Variants in RANBP2 observed in about 807,000 individuals in gnomAD.
The protein encoded by RANBP2 is RAN binding protein 2.
In RANBP2, 57 loss-of-function variants were observed where a neutral mutation model predicts 303.6. The observed-to-expected ratio is 0.19, with a 90% CI of 0.15 to 0.23. The LOEUF (loss-of-function observed/expected upper bound fraction) is 0.23, where lower values mean the gene tolerates loss of function less well. RANBP2 is among the 10% of genes least tolerant of loss of function. The probability of loss-of-function intolerance (pLI) is 1.00; values close to 1 mark genes in which losing one functional copy is unlikely to be tolerated. For missense variants in RANBP2, 3,138 were observed against 3,780.8 expected (o/e 0.83, Z 4.46); for synonymous variants, 1,167 against 1,301.5 (o/e 0.90, Z 2.23).
chr2:109,421,903 A>G, the RANBP2 span, among the ~76,000 whole-genome samples: 3 of 152,210 alleles, frequency 2.0e-5, no homozygotes, highest in African/African-American at 7.2e-5. Context: ...GCAACATTAC[A>G]TACGTTACAG....
chr2:109,204,991 T>A, the RANBP2 span, among the ~76,000 whole-genome samples: 1 of 152,148 alleles, frequency 6.6e-6, no homozygotes, highest in Non-Finnish European at 1.5e-5. Flanking sequence ...GAGGATCACT[T>A]GAAGCCAGGA....
intron 1 of RANBP2, among the ~76,000 whole-genome samples, chr2:108,725,226 C>T: frequency 6.6e-6 from 1 of 152,158 alleles, no homozygotes; most frequent in Non-Finnish European, 1.5e-5. Context: ...GTTTACATAA[C>T]ATGGGCTGTG....
chr2:109,508,930 T>C, the RANBP2 span, among the ~76,000 whole-genome samples: 1 of 152,176 alleles, frequency 6.6e-6, no homozygotes, highest in South Asian at 2.1e-4. Flanking sequence ...GACGGGGGGA[T>C]GCAGTCCACT....
At chr2:109,216,840 G>A in the RANBP2 span, among the ~76,000 whole-genome samples, 2 of 152,122 alleles carry the variant, frequency 1.3e-5, no homozygotes, top group African/African-American at 4.8e-5. Flanking sequence ...CAGTTCAGTG[G>A]CATTAAGCAC....
chr2:109,120,225 G>A, the RANBP2 span, among the ~76,000 whole-genome samples: 1 of 152,350 alleles, frequency 6.6e-6, no homozygotes, highest in African/African-American at 2.4e-5. Context: ...AGAGGAGGGG[G>A]AGGGCCTCCC....
chr2:109,189,350 C>T, the RANBP2 span, among the ~76,000 whole-genome samples: 8 of 146,338 alleles, frequency 5.5e-5, no homozygotes, highest in African/African-American at 1.5e-4. Context: ...GAGGAACTTA[C>T]GTGTTCAGTC....
chr2:109,044,982 C>A, the RANBP2 span, among the ~76,000 whole-genome samples: 3 of 152,148 alleles, frequency 2.0e-5, no homozygotes, highest in African/African-American at 4.8e-5. Flanking sequence ...CCTGAGAAAA[C>A]CATGGGAATA....
the RANBP2 span, among the ~76,000 whole-genome samples, chr2:108,850,700 C>T: frequency 6.6e-6 from 1 of 152,186 alleles, no homozygotes; most frequent in African/African-American, 2.4e-5. Flanking sequence ...ATCTGCCCGC[C>T]TCAACCTCCC....
chr2:109,574,565 C>A, the RANBP2 span: 3 of 1,458,490 alleles, frequency 2.1e-6, no homozygotes, highest in African/African-American at 4.3e-5. Context: ...TAAGTTGATT[C>A]CTTTCCTCAA....
chr2:109,521,929 C>T, the RANBP2 span, among the ~76,000 whole-genome samples: 307 of 152,282 alleles, frequency 2.0e-3, no homozygotes, highest in Non-Finnish European at 3.5e-3. Flanking sequence ...AGGGAGGGGT[C>T]GCAGCTGCCG....
the RANBP2 span, among the ~76,000 whole-genome samples, chr2:109,448,568 A>T: frequency 3.3e-5 from 5 of 152,154 alleles, no homozygotes; most frequent in African/African-American, 1.2e-4. Flanking sequence ...CACGCTCCTT[A>T]TGAGAATCTA....
the RANBP2 span, among the ~76,000 whole-genome samples, chr2:109,392,079 G>A: frequency 4.6e-5 from 7 of 152,090 alleles, no homozygotes; most frequent in African/African-American, 1.2e-4. Flanking sequence ...GCCTCCCAAA[G>A]TGTTGAGTTT....
At chr2:109,104,933 A>G in the RANBP2 span, among the ~76,000 whole-genome samples, 4 of 152,218 alleles carry the variant, frequency 2.6e-5, no homozygotes, top group African/African-American at 9.6e-5. Context: ...AGGCACTGTC[A>G]TGACCCCGGT....
the RANBP2 span, among the ~76,000 whole-genome samples, chr2:109,300,534 C>T: frequency 6.1e-3 from 929 of 152,258 alleles, 14 homozygotes; most frequent in African/African-American, 0.022. Context: ...GACATGAATC[C>T]ATGCTCCAGA....
At chr2:109,546,184 C>A in the RANBP2 span, 1 of 1,606,244 alleles carries the variant, frequency 6.2e-7, no homozygotes, top group Non-Finnish European at 8.5e-7. Flanking sequence ...TTTCTTCAAG[C>A]TTCATTCTCT....
At chr2:108,891,744 G>A in the RANBP2 span, among the ~76,000 whole-genome samples, 1 of 152,142 alleles carries the variant, frequency 6.6e-6, no homozygotes, top group Admixed American at 6.5e-5. Context: ...ATGAGCAATG[G>A]CAGTAGCAGT....
At chr2:109,736,243 C>G in the RANBP2 span, among the ~76,000 whole-genome samples, 2 of 148,596 alleles carry the variant, frequency 1.3e-5, no homozygotes, top group African/African-American at 4.9e-5. Context: ...CCTCTGCACG[C>G]ACTGCAGCAC....
the RANBP2 span, among the ~76,000 whole-genome samples, chr2:109,281,289 G>A: frequency 2.0e-5 from 3 of 152,216 alleles, no homozygotes; most frequent in African/African-American, 4.8e-5. Flanking sequence ...TTGGGGTGGA[G>A]CACCCTCAGA....
chr2:109,188,586 C>T, the RANBP2 span, among the ~76,000 whole-genome samples: 15 of 152,174 alleles, frequency 9.9e-5, no homozygotes, highest in Non-Finnish European at 2.2e-4. Context: ...GCAGGGGTCC[C>T]GTCCCCTCTC....
Sources: allele counts gnomAD v4.1 joint callset (sites outside exome capture counted in the v4.1 genomes callset), GRCh38; gene constraint gnomAD v4.1.1; transcripts MANE v1.5; gene names NCBI Gene and HGNC (gene_info 2026-07-23, HGNC 2026-07-21).